Variants in ZNF569 observed in about 807,000 individuals in gnomAD.
ZNF569 encodes DNA-binding protein.
ZNF569 carries 38 observed loss-of-function variants against 56.3 expected under a neutral mutation model. The observed-to-expected ratio is 0.68, with a 90% CI of 0.52 to 0.88. ZNF569 has a LOEUF of 0.88. Among genes scored for constraint, ZNF569 ranks in the 40% least tolerant of loss-of-function variants. ZNF569 has a pLI of 0.00. For synonymous variants in ZNF569, 241 were observed against 262.9 expected (o/e 0.92, Z 0.81); for missense variants, 666 against 809.2 (o/e 0.82, Z 2.15).
intron 5 of ZNF569, among the ~76,000 whole-genome samples, chr19:37,421,582 T>C (rs983215897): frequency 3.3e-5 from 5 of 152,096 alleles, no homozygotes; most frequent in African/African-American, 9.7e-5. Context: ...CTTCATAGAA[T>C]TGAAGATAAT....
At chr19:37,441,159 G>C (rs1396324262) in intron 3 of ZNF569, among the ~76,000 whole-genome samples, 4 of 152,144 alleles carry the variant, frequency 2.6e-5, no homozygotes, top group Non-Finnish European at 2.9e-5. Context: ...TACAGGCCTG[G>C]AATAGAGGAA....
intron 2 of ZNF569, among the ~76,000 whole-genome samples, chr19:37,451,153 A>G (rs2041584906): frequency 6.6e-6 from 1 of 152,082 alleles, no homozygotes; most frequent in African/African-American, 2.4e-5. Context: ...TAATCCCAGC[A>G]CTTTGGGAGG....
At chr19:37,451,264 G>T (rs999285995) in intron 2 of ZNF569, among the ~76,000 whole-genome samples, 4 of 152,014 alleles carry the variant, frequency 2.6e-5, no homozygotes, top group African/African-American at 9.7e-5. Flanking sequence ...GCTGGGCATG[G>T]TGGTGGACAC....
In ZNF569 at chr19:37,413,165, T is replaced by G. The variant is rs756469170; in HGVS notation, c.1493A>C (p.Glu498Ala). Residue 498 changes from glutamate to alanine, a missense_variant, in exon 6 of 6, where the codon GAA (glutamate) becomes GCA (alanine). Transcript: ENST00000316950. ...CTTTTGGCTGAAGGCTTTACCACATTCATTGCATTCATAGGGTTTCTCTCC... is the reference window on the plus strand; with the variant it reads ...CTTTTGGCTGAAGGCTTTACCACATGCATTGCATTCATAGGGTTTCTCTCC... ...HSGEKPYECN[E>A]CGKAFSQKQN... 6 of 1,607,250 alleles carry G rather than the reference T, an allele frequency of 3.7e-6. No individual in the cohort carries two copies. In the South Asian group the frequency reaches 6.7e-5, roughly 18 times the overall value.
Position 37,411,893 on chromosome 19 carries a change from C to G in ZNF569, c.*704G>C, listed in dbSNP as rs1332082752. 6.6e-6 allele frequency: 1 copy of G among 152,116 alleles called. No homozygotes were observed. Among genetic ancestry groups the G allele is most frequent in the Non-Finnish European group, 1.5e-5 (1 of 67,990 alleles). The allele number at this position is 152,116 out of a possible 1,614,324, so 9.4% of individuals were successfully genotyped here. A position where few individuals can be genotyped will look rare whatever the true frequency, so the allele number is the denominator to read the frequency against. On this transcript the variant is annotated 3_prime_UTR_variant, in exon 6 of 6. Transcript: ENST00000316950. ...ACTTGGTAATACATTGTTTAAATGACAGCAGCTTTAAATAAGTACATGATA... is the reference window on the plus strand; with the variant it reads ...ACTTGGTAATACATTGTTTAAATGAGAGCAGCTTTAAATAAGTACATGATA...
At position 37,413,747 on chromosome 19, in the gene ZNF569, C is replaced by A. The variant is rs774506325; in HGVS notation, c.911G>T (p.Gly304Val). ...GCTTTGCTTCTGGCTGAATGCTTTTCCACACTCATTACATTCATAAGGTTT... is the reference window on the plus strand; with the variant it reads ...GCTTTGCTTCTGGCTGAATGCTTTTACACACTCATTACATTCATAAGGTTT... Reference protein sequence around the residue: ...GEKPYECNECGKAFSQKQSLI... With the variant: ...GEKPYECNECVKAFSQKQSLI... Residue 304 changes from glycine to valine, a missense_variant, in exon 6 of 6, where the codon GGA becomes GTA. Coordinates refer to ENST00000316950, the MANE Select transcript of ZNF569 (RefSeq NM_152484.3). 3.7e-6 allele frequency: 6 copies of A among 1,613,470 alleles called. No individual in the cohort carries two copies. The Admixed American group carries it at 1.0e-4, about 27-fold the overall frequency.
At chr19:37,425,658 T>G in intron 5 of ZNF569, 1 of 405,366 alleles carries the variant, frequency 2.5e-6, no homozygotes, top group Non-Finnish European at 4.5e-6. Flanking sequence ...AGAGATGAGG[T>G]CTCACTATGT....
intron 3 of ZNF569, among the ~76,000 whole-genome samples, chr19:37,426,836 G>T (rs1185357189): frequency 6.6e-6 from 1 of 152,140 alleles, no homozygotes; most frequent in African/African-American, 2.4e-5. Flanking sequence ...AGATTTATGG[G>T]TCATCAGCCT....
At chr19:37,426,572 G>T (rs2041137142) in intron 3 of ZNF569, among the ~76,000 whole-genome samples, 194 bp from the exon 4 acceptor site, 1 of 152,162 alleles carries the variant, frequency 6.6e-6, no homozygotes, top group African/African-American at 2.4e-5. Context: ...TTAAAGGGGA[G>T]ATTTTAGGTA....
chr19:37,455,144 G>A, intron 2 of ZNF569: 1 of 361,484 alleles, frequency 2.8e-6, no homozygotes. Flanking sequence ...TTTGTCATGG[G>A]GCTCAAAAAT....
At chr19:37,454,032 T>G (rs989924227) in intron 2 of ZNF569, among the ~76,000 whole-genome samples, 1 of 152,212 alleles carries the variant, frequency 6.6e-6, no homozygotes, top group African/African-American at 2.4e-5. Context: ...AACATGAGTA[T>G]GTCTTTTCTT....
chr19:37,427,316 C>CAA (rs970502592), intron 3 of ZNF569, among the ~76,000 whole-genome samples: 25 of 131,208 alleles, frequency 1.9e-4, no homozygotes, highest in African/African-American at 6.5e-4. Context: ...GGCCCTGTCT[C>CAA]AAAAAAAAAA....
At chr19:37,445,030 G>T in intron 2 of ZNF569, 66 bp from the exon 3 acceptor site, 3 of 1,309,664 alleles carry the variant, frequency 2.3e-6, no homozygotes, top group Non-Finnish European at 3.2e-6. Context: ...GCACACACAG[G>T]GTGGATTAAA....
chr19:37,431,180 TAGGGGGTCATGGGACCC>T (rs1346166474), intron 3 of ZNF569, among the ~76,000 whole-genome samples: 4 of 152,060 alleles, frequency 2.6e-5, no homozygotes, highest in Admixed American at 2.0e-4. Context: ...GCCAGTGGAC[TAGGGGGTCATGGGACCC>T]AGTGAGACAC....
At chr19:37,436,327 T>C (rs1198099887) in intron 3 of ZNF569, among the ~76,000 whole-genome samples, 1 of 151,986 alleles carries the variant, frequency 6.6e-6, no homozygotes, top group East Asian at 1.9e-4. Context: ...GCCCATGGGA[T>C]ATGGCAAAAG....
intron 3 of ZNF569, among the ~76,000 whole-genome samples, chr19:37,430,651 C>A (rs1419040480): frequency 1.3e-5 from 2 of 151,050 alleles, no homozygotes; most frequent in Non-Finnish European, 3.0e-5. Flanking sequence ...CGATCATACT[C>A]CCCACAGGAA....
chr19:37,466,971 T>A (rs1047834413), intron 1 of ZNF569, 113 bp downstream of exon 1: 3 of 152,534 alleles, frequency 2.0e-5, no homozygotes, highest in Non-Finnish European at 4.4e-5. Context: ...AGCACAGGCA[T>A]CGCCCCGCCC....
At chr19:37,425,292 T>A (rs919797184) in intron 5 of ZNF569, among the ~76,000 whole-genome samples, 5 of 150,674 alleles carry the variant, frequency 3.3e-5, no homozygotes, top group Non-Finnish European at 7.4e-5. Context: ...GCTGGGATCA[T>A]AAGCGTATGC....
chr19:37,453,152 G>A (rs572310013), intron 2 of ZNF569, among the ~76,000 whole-genome samples: 51 of 152,066 alleles, frequency 3.4e-4, no homozygotes, highest in African/African-American at 8.5e-4. Context: ...AAAAGATGGC[G>A]TACTGGTTGC....
Sources: gnomAD v4.1 joint callset for allele counts (sites outside exome capture counted in the v4.1 genomes callset) on GRCh38, gnomAD v4.1.1 for gene constraint, MANE v1.5 for transcripts, NCBI Gene and HGNC (gene_info 2026-07-23, HGNC 2026-07-21) for gene names.